MTMR10: variants seen among roughly 807,000 people sequenced by gnomAD.
MTMR10 encodes the protein myotubularin related protein 10.
Under a neutral mutation model 88.1 loss-of-function variants are expected in MTMR10, and 56 were observed. That is an observed-to-expected ratio of 0.64 (90% CI 0.51 to 0.79). MTMR10 has a LOEUF of 0.79. MTMR10 is among the 30% of genes least tolerant of loss of function. The pLI is 0.00. For synonymous variants in MTMR10, 380 were observed against 340.9 expected, an observed-to-expected ratio of 1.11 and a Z score of -1.26; for missense variants, 883 against 924.7, an observed-to-expected ratio of 0.95 and a Z score of 0.58.
At chr15:30,929,444 G>T in the MTMR10 span, 2 of 1,465,364 alleles carry the variant, frequency 1.4e-6, no homozygotes, top group East Asian at 2.4e-5. Context: ...AGTTAACACC[G>T]CCCCAGTGCT....
chr15:30,934,172 C>A (rs1337032769), downstream of MTMR10, among the ~76,000 whole-genome samples: 1 of 152,032 alleles, frequency 6.6e-6, no homozygotes, highest in African/African-American at 2.4e-5. Flanking sequence ...ATGCAGTGAC[C>A]CCCCCTTTAC....
the MTMR10 span, chr15:30,929,203 G>T: frequency 4.3e-6 from 7 of 1,610,604 alleles, no homozygotes; most frequent in Non-Finnish European, 4.2e-6. Flanking sequence ...TGTGACACAG[G>T]CATTCCCCCT....
chr15:30,942,376 C>T (rs2949568), intron 15 of MTMR10: 274,355 of 403,964 alleles, frequency 0.68, 95,021 homozygotes, highest in East Asian at 0.82. Flanking sequence ...CTAGACCTGG[C>T]CGATTCTATC....
At chr15:30,971,833 A>G (rs1042300811) in intron 5 of MTMR10, among the ~76,000 whole-genome samples, 1 of 152,156 alleles carries the variant, frequency 6.6e-6, no homozygotes, top group Non-Finnish European at 1.5e-5. Flanking sequence ...TTCTTTATAC[A>G]GACCTTTCCC....
the MTMR10 span, among the ~76,000 whole-genome samples, chr15:30,929,836 T>TATAA: frequency 2.6e-5 from 2 of 76,064 alleles, no homozygotes; most frequent in African/African-American, 1.6e-4. Context: ...ATATATAATA[T>TATAA]AATATATAAA....
At chr15:30,948,167 T>G in intron 13 of MTMR10, 135 bp downstream of exon 13, 1 of 708,006 alleles carries the variant, frequency 1.4e-6, no homozygotes, top group Non-Finnish European at 2.1e-6. Context: ...CTCTAATCCA[T>G]TAGTTAGCTT....
intron 6 of MTMR10, chr15:30,965,783 C>T (rs1004839827): frequency 1.0e-5 from 3 of 301,284 alleles, no homozygotes; most frequent in African/African-American, 4.4e-5. Flanking sequence ...ACCTGAGTGA[C>T]TAAGGCCAGC....
At chr15:30,971,950 C>T (rs1458764653) in intron 5 of MTMR10, among the ~76,000 whole-genome samples, 1 of 152,084 alleles carries the variant, frequency 6.6e-6, no homozygotes, top group East Asian at 1.9e-4. Context: ...TGAAACAACA[C>T]CAACAAGACA....
At chr15:30,936,095 T>A (rs1595889323), downstream of MTMR10, among the ~76,000 whole-genome samples, 1 of 147,064 alleles carries the variant, frequency 6.8e-6, no homozygotes, top group South Asian at 2.3e-4. Context: ...AAACAATTTT[T>A]TTCTATATTT....
At chr15:30,928,800 A>G in the MTMR10 span, 1 of 1,467,050 alleles carries the variant, frequency 6.8e-7, no homozygotes, top group African/African-American at 1.4e-5. Flanking sequence ...ATGATAACTT[A>G]TTTTAAAAAT....
chr15:30,943,154 C>T (rs2293319), intron 14 of MTMR10, 82 bp from the exon 15 acceptor site: 1,142,117 of 1,484,492 alleles, frequency 0.77, 440,902 homozygotes, highest in East Asian at 0.88. Context: ...CTCATCATTA[C>T]ACAGGTTAAA....
the MTMR10 span, chr15:30,930,583 TG>T: frequency 6.2e-7 from 1 of 1,612,166 alleles, no homozygotes; most frequent in Middle Eastern, 1.7e-4. Context: ...CTCAGTGGTG[TG>T]TGCAGGCACC....
chr15:30,955,323 T>G (rs991473871), intron 9 of MTMR10, among the ~76,000 whole-genome samples: 1 of 152,166 alleles, frequency 6.6e-6, no homozygotes, highest in Admixed American at 6.5e-5. Context: ...CAGGCTGGAG[T>G]GCAGTGGCAC....
At chr15:30,937,058 A>T, downstream of MTMR10, 2 of 1,425,604 alleles carry the variant, frequency 1.4e-6, no homozygotes, top group Non-Finnish European at 1.9e-6. Context: ...ACTACAACTT[A>T]CTTGAATGGC....
At chr15:30,930,765 A>G in the MTMR10 span, 1 of 1,473,440 alleles carries the variant, frequency 6.8e-7, no homozygotes, top group Non-Finnish European at 9.4e-7. Flanking sequence ...GCTGTTGGCA[A>G]GATTGAATTC....
chr15:30,929,143 C>T, the MTMR10 span: 10 of 1,484,568 alleles, frequency 6.7e-6, no homozygotes, highest in Admixed American at 1.2e-4. Context: ...CTGACTAGTC[C>T]TCTGGTGAAC....
chr15:30,941,696 G>A lies in MTMR10; in HGVS notation c.2108C>T (p.Pro703Leu). ...CAGCTCCCCATAGCAGGCCTCCAGG[G>A]GGCCACTGCGCTGTTGCCGCAGCAT... The part of the protein sequence containing the change: ...SRMLRQQRSG[P>L]LEACYGELGQ... The change falls in exon 16 of 16, where the codon CCC (proline) becomes CTC (leucine). Residue 703 changes from proline (P) to leucine (L), a missense_variant. This residue lies in a region of MTMR10 where 343 missense variants were observed against 323.2 expected (regional missense o/e 1.06). Transcript: ENST00000435680. 1.2e-6 allele frequency: 2 copies of A among 1,613,808 alleles called. No individual in the cohort carries two copies. Among genetic ancestry groups the A allele is most frequent in the East Asian group, 2.2e-5 (1 of 44,876 alleles).
chr15:30,990,398 A>G (rs1321572000), intron 2 of MTMR10, among the ~76,000 whole-genome samples: 1 of 152,254 alleles, frequency 6.6e-6, no homozygotes. Context: ...ACAATTGCCA[A>G]GCAAGTAATT....
intron 9 of MTMR10, among the ~76,000 whole-genome samples, chr15:30,958,129 A>G (rs979644916): frequency 9.9e-5 from 15 of 152,228 alleles, no homozygotes; most frequent in African/African-American, 3.6e-4. Context: ...CTCCATGTAG[A>G]AGTCAAGGTA....
Sources: allele counts gnomAD v4.1 joint callset (sites outside exome capture counted in the v4.1 genomes callset), GRCh38; gene constraint gnomAD v4.1.1; regional missense constraint gnomAD v4.1.1; transcripts MANE v1.5; gene names NCBI Gene and HGNC (gene_info 2026-07-23, HGNC 2026-07-21).